ARL15: variants seen among roughly 807,000 people sequenced by gnomAD.
ARL15 encodes the protein ADP-ribosylation factor-like protein 15.
A neutral mutation model predicts 25.2 loss-of-function variants in ARL15; 19 were observed. The ratio of observed to expected loss-of-function variants is 0.75; its 90% CI spans 0.53 to 1.10. The LOEUF (loss-of-function observed/expected upper bound fraction) is 1.10. ARL15 is among the 50% of genes least tolerant of loss of function. ARL15 has a pLI of 0.00. For missense variants in ARL15, 220 were observed against 246.0 expected (o/e 0.89, Z 0.71); for synonymous variants, 94 against 86.8 (o/e 1.08, Z -0.46).
chr5:54,067,393 T>C (rs953128264), intron 4 of ARL15, among the ~76,000 whole-genome samples: 2 of 152,206 alleles, frequency 1.3e-5, no homozygotes, highest in South Asian at 4.1e-4. Flanking sequence ...GATTACCTGA[T>C]TAAAGATTTC....
At chr5:54,038,375 T>A (rs990877882) in intron 4 of ARL15, among the ~76,000 whole-genome samples, 3 of 152,116 alleles carry the variant, frequency 2.0e-5, no homozygotes, top group African/African-American at 7.2e-5. Flanking sequence ...TTACCAATAC[T>A]CTTGTGATGG....
chr5:54,146,789 A>C (rs1753923570), intron 3 of ARL15, among the ~76,000 whole-genome samples: 1 of 152,224 alleles, frequency 6.6e-6, no homozygotes, highest in South Asian at 2.1e-4. Context: ...AATCATTTCT[A>C]GAACATTCTA....
intron 3 of ARL15, among the ~76,000 whole-genome samples, chr5:54,153,153 T>G (rs1754119580): frequency 6.6e-6 from 1 of 152,214 alleles, no homozygotes; most frequent in African/African-American, 2.4e-5. Context: ...GTTCTTTGAT[T>G]TTTAAATATC....
intron 1 of ARL15, among the ~76,000 whole-genome samples, chr5:54,200,944 G>A (rs555616671): frequency 2.0e-5 from 3 of 151,942 alleles, no homozygotes; most frequent in South Asian, 2.1e-4. Flanking sequence ...TCAACTAATC[G>A]GATTTACTTT....
chr5:54,222,051 A>T (rs566429332), intron 1 of ARL15, among the ~76,000 whole-genome samples: 1 of 152,352 alleles, frequency 6.6e-6, no homozygotes, highest in African/African-American at 2.4e-5. Flanking sequence ...ATACTAGAGG[A>T]TGGAAAGTAA....
At chr5:54,211,082 C>G (rs553355172) in intron 1 of ARL15, among the ~76,000 whole-genome samples, 1 of 152,224 alleles carries the variant, frequency 6.6e-6, no homozygotes, top group African/African-American at 2.4e-5. Context: ...TTTTATTGTT[C>G]AAAAGACAGA....
intron 4 of ARL15, among the ~76,000 whole-genome samples, chr5:53,954,939 T>C (rs540361619): frequency 6.6e-6 from 1 of 152,066 alleles, no homozygotes; most frequent in Non-Finnish European, 1.5e-5. Flanking sequence ...CCAACATCAC[T>C]TTCTGGAATC....
intron 4 of ARL15, among the ~76,000 whole-genome samples, chr5:53,890,999 T>C (rs1473907307): frequency 6.6e-6 from 1 of 152,230 alleles, no homozygotes; most frequent in Non-Finnish European, 1.5e-5. Context: ...TTTCCCTATC[T>C]TGCCCTCACT....
intron 4 of ARL15, among the ~76,000 whole-genome samples, chr5:53,927,690 A>G (rs1211567838): frequency 6.6e-6 from 1 of 152,178 alleles, no homozygotes; most frequent in African/African-American, 2.4e-5. Context: ...GGGTCTTGGT[A>G]GCTGTGTTTG....
At chr5:54,301,434 T>C (rs1198226530) in intron 1 of ARL15, among the ~76,000 whole-genome samples, 3 of 152,152 alleles carry the variant, frequency 2.0e-5, no homozygotes, top group Non-Finnish European at 4.4e-5. Flanking sequence ...TGGTCACCAC[T>C]GAGAAGGGTG....
intron 4 of ARL15, among the ~76,000 whole-genome samples, chr5:54,033,672 CAAA>C (rs772061280): frequency 5.5e-5 from 4 of 73,046 alleles, no homozygotes; most frequent in Non-Finnish European, 5.7e-5. Flanking sequence ...AATTCCATCT[CAAA>C]AAAAAAAAAA....
At chr5:54,113,995 T>C (rs1439284571) in intron 3 of ARL15, among the ~76,000 whole-genome samples, 2 of 152,198 alleles carry the variant, frequency 1.3e-5, no homozygotes, top group African/African-American at 4.8e-5. Flanking sequence ...AATTACATGA[T>C]TCTGTTTGGC....
At chr5:53,889,641 T>C (rs1296710053) in intron 4 of ARL15, among the ~76,000 whole-genome samples, 1 of 152,244 alleles carries the variant, frequency 6.6e-6, no homozygotes, top group Non-Finnish European at 1.5e-5. Flanking sequence ...TCTACATTTA[T>C]GGTATCAATT....
intron 1 of ARL15, among the ~76,000 whole-genome samples, chr5:54,292,910 A>G (rs1758370364): frequency 6.6e-6 from 1 of 152,208 alleles, no homozygotes; most frequent in Admixed American, 6.5e-5. Flanking sequence ...CAACTCTGCA[A>G]CCTCACACGG....
intron 1 of ARL15, among the ~76,000 whole-genome samples, chr5:54,268,887 A>T (rs1757701695): frequency 6.6e-6 from 1 of 152,246 alleles, no homozygotes; most frequent in Non-Finnish European, 1.5e-5. Context: ...AATACTACGC[A>T]GCCATAAAAA....
In ARL15 at chr5:54,084,032, G is replaced by A. The variant is rs147002618; in HGVS notation, c.462+29170C>T. On this transcript the variant is annotated intron_variant, in intron 4 of 4. Transcript: ENST00000504924. ...TTATTCCATAGCCAGGGTGCCATGG[G>A]AACCAAGGGGCTGAGTCGCCCAGTC... is the stretch of plus-strand genomic sequence containing the variant. Among the ~76,000 whole-genome samples the A allele has an allele frequency of 1.5e-3, 230 of 152,288 alleles. 2 individuals carry two copies. The highest frequency in any genetic ancestry group is 5.1e-3 in the African/African-American group (213 of 41,552).
intron 1 of ARL15, among the ~76,000 whole-genome samples, chr5:54,202,865 AAAATC>A (rs1755760609): frequency 7.1e-6 from 1 of 141,454 alleles, no homozygotes; most frequent in African/African-American, 2.8e-5. Context: ...TTTCATGAAT[AAAATC>A]AATAGAAAAA....
At chr5:54,303,384 G>T (rs994302300) in intron 1 of ARL15, among the ~76,000 whole-genome samples, 1 of 151,956 alleles carries the variant, frequency 6.6e-6, no homozygotes, top group African/African-American at 2.4e-5. Flanking sequence ...CTAACCATAC[G>T]CCTGTAGTCC....
intron 1 of ARL15, among the ~76,000 whole-genome samples, chr5:54,269,438 T>C (rs888641205): frequency 1.3e-5 from 2 of 152,104 alleles, no homozygotes; most frequent in Non-Finnish European, 2.9e-5. Flanking sequence ...ACATTTCCTG[T>C]GGCCGTAAGT....
Sources: allele counts gnomAD v4.1 joint callset (sites outside exome capture counted in the v4.1 genomes callset), GRCh38; gene constraint gnomAD v4.1.1; transcripts MANE v1.5; gene names NCBI Gene and HGNC (gene_info 2026-07-23, HGNC 2026-07-21).